The following CSMD1 variants were observed in gnomAD, a reference collection of about 807,000 sequenced individuals.
CSMD1 encodes CUB and sushi domain-containing protein 1.
CSMD1 carries 213 observed loss-of-function variants against 417.5 expected under a neutral mutation model. The observed-to-expected ratio is 0.51, with a 90% CI of 0.46 to 0.57. The LOEUF (loss-of-function observed/expected upper bound fraction) is 0.57. Ranked by LOEUF, CSMD1 falls within the 20% of genes least tolerant of loss-of-function variation. The pLI, the probability that CSMD1 is intolerant of heterozygous loss-of-function variation, is 0.00. For missense variants in CSMD1, 6,923 were observed against 4,529.7 expected, an observed-to-expected ratio of 1.53 and a Z score of -15.17; for synonymous variants, 2,862 against 1,736.8, an observed-to-expected ratio of 1.65 and a Z score of -16.11.
intron 5 of CSMD1, among the ~76,000 whole-genome samples, chr8:3,983,509 G>A (rs551682088): frequency 6.6e-6 from 1 of 152,196 alleles, no homozygotes; most frequent in Non-Finnish European, 1.5e-5. Context: ...TACAGGACTT[G>A]GGACAGGAAA....
At chr8:4,688,048 G>C (rs1806502974) in intron 1 of CSMD1, among the ~76,000 whole-genome samples, 1 of 152,018 alleles carries the variant, frequency 6.6e-6, no homozygotes, top group Non-Finnish European at 1.5e-5. Context: ...ATATCTAATT[G>C]ATTGCCCTAT....
chr8:4,616,411 T>G (rs1281308250), intron 2 of CSMD1, among the ~76,000 whole-genome samples: 1 of 152,170 alleles, frequency 6.6e-6, no homozygotes, highest in East Asian at 1.9e-4. Flanking sequence ...CAATATTTGG[T>G]GCATTTTAAG....
Position 3,495,878 on chromosome 8 carries a change from C to G in CSMD1, c.1345-2152G>C, listed in dbSNP as rs578068159. Among the ~76,000 whole-genome samples, 5 of 152,250 alleles carry G rather than the reference C, an allele frequency of 3.3e-5. No homozygotes were observed. The South Asian group carries it at 1.0e-3, about 32-fold the overall frequency. On this transcript the variant is annotated intron_variant, in intron 10 of 69. Transcript: ENST00000635120. ...CTCAGCTGTCCTGGAGCTGGATGCT[C>G]CATATTTCTTTTTTTACATATAATT...
intron 3 of CSMD1, among the ~76,000 whole-genome samples, chr8:4,409,616 A>C (rs1796533885): frequency 6.7e-6 from 1 of 149,954 alleles, no homozygotes; most frequent in African/African-American, 2.5e-5. Context: ...AGAAGAGTAT[A>C]GATTCATCAT....
At chr8:3,103,503 T>A (rs1347852367) in intron 46 of CSMD1, among the ~76,000 whole-genome samples, 2 of 151,746 alleles carry the variant, frequency 1.3e-5, no homozygotes, top group Non-Finnish European at 2.9e-5. Context: ...TCTGAACTCA[T>A]CTCAACATTG....
At chr8:4,143,556 G>C (rs540372456) in intron 3 of CSMD1, among the ~76,000 whole-genome samples, 6 of 151,010 alleles carry the variant, frequency 4.0e-5, no homozygotes, top group Admixed American at 2.6e-4. Context: ...ATACTTGTAA[G>C]GCTTAGATAT....
chr8:3,260,790 A>G (rs528355948), intron 26 of CSMD1, among the ~76,000 whole-genome samples: 7 of 152,188 alleles, frequency 4.6e-5, no homozygotes, highest in East Asian at 1.9e-4. Flanking sequence ...GCCAAAATGA[A>G]TAAATGAGAC....
intron 9 of CSMD1, among the ~76,000 whole-genome samples, chr8:3,580,005 G>A (rs1584916490): frequency 1.3e-5 from 2 of 152,272 alleles, no homozygotes; most frequent in East Asian, 3.9e-4. Flanking sequence ...TCAGGAGGCT[G>A]AGGCAGAAGA....
chr8:3,983,544 C>G (rs992068622), intron 5 of CSMD1, among the ~76,000 whole-genome samples: 2 of 152,168 alleles, frequency 1.3e-5, no homozygotes, highest in Non-Finnish European at 2.9e-5. Context: ...CATTTCAGTG[C>G]CGTGGAGAAG....
At chr8:4,188,440 A>T (rs977258551) in intron 3 of CSMD1, among the ~76,000 whole-genome samples, 2 of 152,166 alleles carry the variant, frequency 1.3e-5, no homozygotes, top group East Asian at 1.9e-4. Flanking sequence ...CAAGTCCTGA[A>T]ATCCAGCCTG....
chr8:3,245,591 T>C (rs184692124), intron 26 of CSMD1, among the ~76,000 whole-genome samples: 1 of 152,202 alleles, frequency 6.6e-6, no homozygotes, highest in African/African-American at 2.4e-5. Flanking sequence ...GTAGCGCCCA[T>C]GCCTACCCCT....
At chr8:4,089,199 C>T (rs937193532) in intron 3 of CSMD1, among the ~76,000 whole-genome samples, 3 of 152,156 alleles carry the variant, frequency 2.0e-5, no homozygotes, top group African/African-American at 4.8e-5. Context: ...TGGCTGCCTG[C>T]CTTTTGTATT....
intron 5 of CSMD1, among the ~76,000 whole-genome samples, chr8:3,766,301 T>G (rs1234152027): frequency 1.3e-5 from 2 of 152,142 alleles, no homozygotes; most frequent in Admixed American, 6.5e-5. Flanking sequence ...CCTCCACGGG[T>G]GACGCAGATC....
intron 2 of CSMD1, among the ~76,000 whole-genome samples, chr8:4,558,286 A>G (rs973030526): frequency 9.2e-5 from 14 of 152,264 alleles, no homozygotes; most frequent in African/African-American, 3.4e-4. Flanking sequence ...CAGAATATAC[A>G]CTTTTGGAAG....
At chr8:3,373,435 T>C (rs982514254) in intron 18 of CSMD1, 6 of 152,232 alleles carry the variant, frequency 3.9e-5, no homozygotes, top group South Asian at 2.1e-4. Context: ...TCCAATTCAG[T>C]TATCATGAAG....
chr8:4,748,071 C>G (rs956127574), intron 1 of CSMD1, among the ~76,000 whole-genome samples: 1 of 152,198 alleles, frequency 6.6e-6, no homozygotes, highest in Admixed American at 6.5e-5. Flanking sequence ...GCTGTGCCCC[C>G]ACCCTCTGTT....
rs180760121 is a variant in CSMD1, at chr8:4,512,055, A to G, written c.303-91990T>C. ...AAAAATCCTCAACAAAATATTAGCA[A>G]AATAAATTCAACAACGTATAAAAAG... On this transcript the variant is annotated intron_variant, in intron 2 of 69. Coordinates refer to ENST00000635120, the MANE Select transcript of CSMD1 (RefSeq NM_033225.6). Among the ~76,000 whole-genome samples the G allele has an allele frequency of 3.9e-5, 6 of 152,316 alleles. No individual in the cohort carries two copies. The East Asian group carries it at 9.7e-4, about 25-fold the overall frequency.
rs1801210463 is a variant in CSMD1 at position 4,847,529 on chromosome 8, G to C, written c.85+146803C>G. ...AAATTAGTGTCATACACTTGTCATG[G>C]TTAGTGGGCCGATACTGGAATATTT... On this transcript the variant is annotated intron_variant, in intron 1 of 69. Coordinates refer to ENST00000635120, the MANE Select transcript of CSMD1 (RefSeq NM_033225.6). Among the ~76,000 whole-genome samples, 3 of 152,104 alleles carry C rather than the reference G, an allele frequency of 2.0e-5. No homozygotes were observed. In the South Asian group the frequency reaches 6.2e-4, roughly 32 times the overall value.
intron 3 of CSMD1, among the ~76,000 whole-genome samples, chr8:4,329,293 C>T (rs1239504762): frequency 2.0e-5 from 3 of 152,152 alleles, no homozygotes; most frequent in East Asian, 3.9e-4. Flanking sequence ...CAAAAAAATA[C>T]TCATTTATTT....
Sources: allele counts gnomAD v4.1 joint callset (sites outside exome capture counted in the v4.1 genomes callset), GRCh38; gene constraint gnomAD v4.1.1; transcripts MANE v1.5; gene names NCBI Gene and HGNC (gene_info 2026-07-23, HGNC 2026-07-21).